TTC38: variants seen among roughly 807,000 people sequenced by gnomAD.
The protein encoded by TTC38 is tetratricopeptide repeat protein 38.
TTC38 carries 64 observed loss-of-function variants against 64.2 expected under a neutral mutation model. The ratio of observed to expected loss-of-function variants is 1.00; its 90% CI spans 0.81 to 1.23. TTC38 has a LOEUF of 1.23. TTC38 is among the 50% of genes most tolerant of loss of function. The pLI, the probability that TTC38 is intolerant of heterozygous loss-of-function variation, is 0.00. For missense variants in TTC38, 573 were observed against 615.5 expected (o/e 0.93, Z 0.73); for synonymous variants, 254 against 249.3 (o/e 1.02, Z -0.18).
Position 46,273,896 on chromosome 22 carries a change from A to G in TTC38, c.194-2A>G, listed in dbSNP as rs1936949895. On this transcript the variant is annotated splice_acceptor_variant, in intron 3 of 13. Transcript: ENST00000381031. LOFTEE classifies it high-confidence loss of function. This position sits in a 1 kb window ranked among gnomAD's most constrained non-coding sequence, Gnocchi z 5.1. Reference sequence around the variant, plus strand: ...ACCAGCCGTTCTCTAACCTCCCACCAGTGATGGGCCACGCCATGGCTACTG... The same window carrying G: ...ACCAGCCGTTCTCTAACCTCCCACCGGTGATGGGCCACGCCATGGCTACTG... 1.9e-6 allele frequency: 3 copies of G among 1,614,120 alleles called. No homozygotes were observed. The highest frequency in any genetic ancestry group is 2.5e-6 in the Non-Finnish European group (3 of 1,180,018).
rs1009966158 is a variant in TTC38 at position 46,293,074 on chromosome 22, C to T, written c.*190C>T. 3.5e-6 allele frequency: 2 copies of T among 572,710 alleles called. No individual in the cohort carries two copies. The highest frequency in any genetic ancestry group is 6.4e-6 in the Non-Finnish European group (2 of 314,890). 35.5% of individuals were successfully genotyped at this position (572,710 alleles called of 1,614,324 possible). ...ATGTGATTCCGAATCTCCTTTCAGT[C>T]CTCGAGAAGGGCCAATGAGCATTTT... On this transcript the variant is annotated 3_prime_UTR_variant, in exon 14 of 14. Transcript: ENST00000381031. This position sits in a 1 kb window ranked among gnomAD's most constrained non-coding sequence, Gnocchi z 6.6.
chr22:46,289,844 C>T lies in TTC38; in HGVS notation c.1261C>T (p.Leu421=). ...SNAQRDVFNQ[L]LIHAALNCTS... The stretch of plus-strand genomic sequence containing the variant: ...ATTTCAGAGAGACGTCTTCAACCAG[C>T]TGCTGATTCACGCGGCCTTAAACTG... Residue 421 remains leucine (L), a synonymous_variant, in exon 13 of 14, where the codon CTG becomes TTG. Transcript: ENST00000381031. 6.2e-7 allele frequency: 1 copy of T among 1,614,226 alleles called. No homozygotes were observed. The highest frequency in any genetic ancestry group is 2.2e-5 in the East Asian group (1 of 44,872).
chr22:46,278,803 T>C, intron 6 of TTC38, 142 bp downstream of exon 6: 2 of 755,268 alleles, frequency 2.6e-6, no homozygotes, highest in Admixed American at 2.0e-5. Flanking sequence ...GGGGAGCTCA[T>C]GTTAGTGTGA....
rs557166195 is a variant in TTC38, at chr22:46,281,061, C to T, written c.616-538C>T. 6.6e-6 allele frequency among the ~76,000 whole-genome samples: 1 copy of T among 152,328 alleles called. No individual in the cohort carries two copies. The highest frequency in any genetic ancestry group is 1.9e-4 in the East Asian group (1 of 5,176). On this transcript the variant is annotated intron_variant, in intron 6 of 13. Coordinates refer to ENST00000381031, the MANE Select transcript of TTC38 (RefSeq NM_017931.4). This position sits in a 1 kb window ranked among gnomAD's most constrained non-coding sequence, Gnocchi z 5.2. ...CGGCTGTTGTCATGAACTGTGATAA[C>T]CTCAGAGCCAGCTGTTTCTGCACCC...
chr22:46,289,617 G>A (rs56336637), intron 12 of TTC38, 56 bp downstream of exon 12: 89,059 of 1,533,284 alleles, frequency 0.058, 3,081 homozygotes, highest in African/African-American at 0.13. Flanking sequence ...GAGTCTGGGC[G>A]CCCCGCAGCC....
rs188269804 is a variant in TTC38 at position 46,274,948 on chromosome 22, G to A, written c.366-300G>A. On this transcript the variant is annotated intron_variant, in intron 4 of 13. Coordinates refer to ENST00000381031, the MANE Select transcript of TTC38 (RefSeq NM_017931.4). This position sits in a 1 kb window ranked among gnomAD's most constrained non-coding sequence, Gnocchi z 4.8. ...AGTGATTCTCCTGCCTCAGCCTCCC[G>A]GGTAGCTGGGATTACAGGCACATAT... Among the ~76,000 whole-genome samples the A allele has an allele frequency of 5.7e-4, 86 of 152,128 alleles. No individual in the cohort carries two copies. Among genetic ancestry groups the A allele is most frequent in the African/African-American group, 1.9e-3 (78 of 41,492 alleles).
chr22:46,269,218 A>G lies in TTC38; in HGVS notation c.111+627A>G, dbSNP rs565015157. On this transcript the variant is annotated intron_variant, in intron 2 of 13. Transcript: ENST00000381031. ...GGATGCTGGCCTCCCCGGGCCTCCC[A>G]TTGTGGCCTGCTGAGGGTCTGATGC... 1.4e-4 allele frequency: 47 copies of G among 339,298 alleles called. 1 individual carries two copies. Among genetic ancestry groups the G allele is most frequent in the South Asian group, 8.7e-4 (39 of 45,000 alleles). 21.0% of individuals were successfully genotyped at this position (339,298 alleles called of 1,614,324 possible).
rs1035105335 is a variant in TTC38, at chr22:46,268,408, A to G, written c.34-106A>G. On this transcript the variant is annotated intron_variant, in intron 1 of 13. Transcript: ENST00000381031. ...AGGACTGGGAGCCTGAGCCCATTTT[A>G]CAGATGAGGAAGGTGGAGGTCAGAG... The G allele has an allele frequency of 6.5e-6, 8 of 1,227,308 alleles. No individual in the cohort carries two copies. In the African/African-American group the frequency reaches 1.2e-4, roughly 19 times the overall value. The allele number at this position is 1,227,308 out of a possible 1,614,324, so 76.0% of individuals were successfully genotyped here. A position where few individuals can be genotyped will look rare whatever the true frequency, so the allele number is the denominator to read the frequency against.
At chr22:46,286,058 A>G (rs952948543) in intron 9 of TTC38, among the ~76,000 whole-genome samples, 4 of 150,060 alleles carry the variant, frequency 2.7e-5, no homozygotes, top group Non-Finnish European at 4.4e-5. Flanking sequence ...CATTAAGTGC[A>G]TTCACATTTT....
At position 46,288,417 on chromosome 22, in the gene TTC38, C is replaced by T; in HGVS notation, c.917-6C>T. Reference sequence around the variant, plus strand: ...CAGGCCCTGGGTCTCCTCCCCATGTCCTCAGGAGTGTCTGTGGGCCAGCGG... The same window carrying T: ...CAGGCCCTGGGTCTCCTCCCCATGTTCTCAGGAGTGTCTGTGGGCCAGCGG... On this transcript the variant is annotated splice_polypyrimidine_tract_variant and splice_region_variant and intron_variant, in intron 10 of 13. Transcript: ENST00000381031. The T allele has an allele frequency of 6.2e-7, 1 of 1,612,608 alleles. No individual in the cohort carries two copies. Among genetic ancestry groups the T allele is most frequent in the South Asian group, 1.1e-5 (1 of 90,890 alleles).
intron 6 of TTC38, among the ~76,000 whole-genome samples, chr22:46,279,536 T>C (rs1319187960): frequency 6.6e-6 from 1 of 152,270 alleles, no homozygotes; most frequent in Non-Finnish European, 1.5e-5. Flanking sequence ...TTCAGCTGCC[T>C]GCTCCAGGCC....
chr22:46,289,279 C>G (rs1053221767), intron 11 of TTC38, 123 bp from the exon 12 acceptor site: 6 of 1,241,078 alleles, frequency 4.8e-6, no homozygotes, highest in Admixed American at 4.5e-5. Flanking sequence ...GTCACCTCAC[C>G]TCATCAGTGT....
rs781255772 is a variant in TTC38, at chr22:46,283,967, CTCCAGGACTCTGATATG to C, written c.736-4_748del. The C allele has an allele frequency of 3.2e-6, 3 of 925,050 alleles. No homozygotes were observed. The highest frequency in any genetic ancestry group is 2.8e-6 in the Non-Finnish European group (2 of 708,048). The allele number at this position is 925,050 out of a possible 1,614,324, so 57.3% of individuals were successfully genotyped here. ...TCATAAATTCTCTTTTTTTTTTTTTCTCCAGGACTCTGATATGTTGGCTTGTCATAACTATTGGCACT... is the reference window on the plus strand; with the variant it reads ...TCATAAATTCTCTTTTTTTTTTTTTCTTGGCTTGTCATAACTATTGGCACT... On this transcript the variant is annotated splice_acceptor_variant and splice_polypyrimidine_tract_variant and coding_sequence_variant and intron_variant, in exon 8 of 14. Coordinates refer to ENST00000381031, the MANE Select transcript of TTC38 (RefSeq NM_017931.4). LOFTEE classifies it high-confidence loss of function.
In TTC38 at chr22:46,276,415, A is replaced by C. The variant is rs1196454737; in HGVS notation, c.539+994A>C. Among the ~76,000 whole-genome samples the C allele has an allele frequency of 6.6e-6, 1 of 152,216 alleles. No homozygotes were observed. The highest frequency in any genetic ancestry group is 1.5e-5 in the Non-Finnish European group (1 of 68,042). The stretch of plus-strand genomic sequence containing the variant: ...GAAATACCTTCACGAGACTGGGCAC[A>C]GTGGCTTATGCCTGTAATCCCAGCT... On this transcript the variant is annotated intron_variant, in intron 5 of 13. Coordinates refer to ENST00000381031, the MANE Select transcript of TTC38 (RefSeq NM_017931.4). The surrounding 1 kb of genome is among the most constrained non-coding windows in gnomAD (Gnocchi z 4.7).
At position 46,281,836 on chromosome 22, in the gene TTC38, C is replaced by T. The variant is rs2077537498; in HGVS notation, c.735+118C>T. On this transcript the variant is annotated intron_variant, in intron 7 of 13. Transcript: ENST00000381031. The surrounding 1 kb of genome is among the most constrained non-coding windows in gnomAD (Gnocchi z 5.2). The stretch of plus-strand genomic sequence containing the variant: ...GGCTTAATTCTCGGGGTTCCCTCTC[C>T]TCCTCCACCTGCACCTGCCTCAGGT... 1 of 1,347,924 alleles carries T rather than the reference C, an allele frequency of 7.4e-7. No individual in the cohort carries two copies. The highest frequency in any genetic ancestry group is 1.0e-6 in the Non-Finnish European group (1 of 959,262). The allele number at this position is 1,347,924 out of a possible 1,614,324, so 83.5% of individuals were successfully genotyped here.
At chr22:46,290,530 G>GGAGGGT in intron 13 of TTC38, among the ~76,000 whole-genome samples, 1 of 131,658 alleles carries the variant, frequency 7.6e-6, no homozygotes, top group African/African-American at 3.0e-5. Context: ...GAGTGTGTTA[G>GGAGGGT]GGCAGCGTGG....
intron 12 of TTC38, 25 bp from the exon 13 acceptor site, chr22:46,289,801 C>T: frequency 6.8e-6 from 11 of 1,613,502 alleles, no homozygotes; most frequent in Non-Finnish European, 9.3e-6. Flanking sequence ...GTACAGGAGA[C>T]TCACATGCCC....
Position 46,288,596 on chromosome 22 carries a change from G to C in TTC38, c.1082+8G>C, listed in dbSNP as rs754668754. On this transcript the variant is annotated splice_region_variant and intron_variant, in intron 11 of 13. Transcript: ENST00000381031. ...CCTGCGGGACGCCAGCGAGTATGCA[G>C]AGGGGCCTTCTCGGGGTGGGGGTCC... is the stretch of plus-strand genomic sequence containing the variant. The C allele has an allele frequency of 1.9e-6, 3 of 1,612,794 alleles. No individual in the cohort carries two copies. In the South Asian group the frequency reaches 3.3e-5, roughly 18 times the overall value.
At chr22:46,289,666 G>C in intron 12 of TTC38, 105 bp downstream of exon 12, 1 of 1,465,726 alleles carries the variant, frequency 6.8e-7, no homozygotes, top group Non-Finnish European at 9.3e-7. Flanking sequence ...AACAATGTGG[G>C]TGTGAACGTG....
Sources: allele counts gnomAD v4.1 joint callset (sites outside exome capture counted in the v4.1 genomes callset), GRCh38; gene constraint gnomAD v4.1.1; non-coding constraint Gnocchi (gnomAD v3.1); transcripts MANE v1.5; gene names NCBI Gene and HGNC (gene_info 2026-07-23, HGNC 2026-07-21).